FBXL17: variants seen among roughly 807,000 people sequenced by gnomAD.
The protein encoded by FBXL17 is F-box and leucine rich repeat protein 17, also known as F-box/LRR-repeat protein 17.
Under a neutral mutation model 66.2 loss-of-function variants are expected in FBXL17, and 22 were observed. The observed-to-expected ratio is 0.33, with a 90% confidence interval of 0.24 to 0.47. The LOEUF is 0.47. Ranked by LOEUF, FBXL17 falls within the 20% of genes least tolerant of loss-of-function variation. FBXL17 has a pLI of 1.00. For synonymous variants in FBXL17, 474 were observed against 400.5 expected (o/e 1.18, Z -2.19); for missense variants, 878 against 948.2 (o/e 0.93, Z 0.97).
intron 7 of FBXL17, among the ~76,000 whole-genome samples, chr5:107,883,592 C>T (rs186253857): frequency 2.3e-4 from 35 of 152,300 alleles, no homozygotes; most frequent in Admixed American, 3.9e-4. Flanking sequence ...GGTCAAAGGT[C>T]AACTTCTCAG....
chr5:108,337,116 C>T (rs1033792150), intron 4 of FBXL17, among the ~76,000 whole-genome samples: 4 of 151,746 alleles, frequency 2.6e-5, no homozygotes, highest in Non-Finnish European at 5.9e-5. Context: ...ATTAGCTGGG[C>T]GTGGTGGTGC....
intron 2 of FBXL17, 52 bp from the exon 3 acceptor site, chr5:108,365,047 T>C: frequency 7.6e-7 from 1 of 1,316,392 alleles, no homozygotes; most frequent in Admixed American, 2.4e-5. Context: ...TAAAAACGTA[T>C]TTTCCATTTT....
At chr5:107,965,023 T>G (rs535954575) in intron 7 of FBXL17, among the ~76,000 whole-genome samples, 1 of 152,222 alleles carries the variant, frequency 6.6e-6, no homozygotes, top group South Asian at 2.1e-4. Context: ...TTTTACCGCA[T>G]TTGACACCAG....
At chr5:108,262,086 A>ATTTTTTTT (rs1056144916) in intron 4 of FBXL17, among the ~76,000 whole-genome samples, 5 of 142,132 alleles carry the variant, frequency 3.5e-5, no homozygotes, top group Non-Finnish European at 6.0e-5. Context: ...TTATTTATTT[A>ATTTTTTTT]TTTTTTTTGA....
intron 3 of FBXL17, among the ~76,000 whole-genome samples, chr5:108,363,991 A>T (rs1301620986): frequency 6.6e-6 from 1 of 152,060 alleles, no homozygotes; most frequent in African/African-American, 2.4e-5. Context: ...AAAACAAATA[A>T]GACTTTTTGC....
chr5:108,009,294 T>TAGATAGATAGATAG lies in FBXL17; in HGVS notation c.1822+11630_1822+11631insCTATCTATCTATCT, dbSNP rs1451083581. Among the ~76,000 whole-genome samples, 13 of 68,490 alleles carry TAGATAGATAGATAG rather than the reference T, an allele frequency of 1.9e-4. 1 individual carries two copies. The highest frequency in any genetic ancestry group is 8.0e-4 in the African/African-American group (11 of 13,740). 44.9% of individuals were successfully genotyped at this position (68,490 alleles called of 152,430 possible). On this transcript the variant is annotated intron_variant, in intron 7 of 8. Transcript: ENST00000542267. ...ATATATATATATATATATATATATA[T>TAGATAGATAGATAG]ATATATACATATATACATACACATA...
At chr5:107,943,333 C>T (rs970370996) in intron 7 of FBXL17, among the ~76,000 whole-genome samples, 1 of 152,098 alleles carries the variant, frequency 6.6e-6, no homozygotes, top group African/African-American at 2.4e-5. Flanking sequence ...ACCATCTTCC[C>T]CCACAAACAG....
intron 4 of FBXL17, among the ~76,000 whole-genome samples, chr5:108,345,429 T>G (rs777564649): frequency 2.6e-5 from 4 of 151,796 alleles, no homozygotes; most frequent in Non-Finnish European, 4.4e-5. Context: ...TTGTCCTCAC[T>G]TTCCACATGA....
intron 4 of FBXL17, among the ~76,000 whole-genome samples, chr5:108,277,754 C>T (rs1757541450): frequency 6.6e-6 from 1 of 152,094 alleles, no homozygotes; most frequent in African/African-American, 2.4e-5. Flanking sequence ...AGTTCCAGAC[C>T]ACCACAATAA....
intron 7 of FBXL17, among the ~76,000 whole-genome samples, chr5:107,931,115 A>T (rs1750719761): frequency 6.6e-6 from 1 of 152,170 alleles, no homozygotes; most frequent in Non-Finnish European, 1.5e-5. Flanking sequence ...CATTTCTGAG[A>T]TGCTGCCAGT....
intron 5 of FBXL17, among the ~76,000 whole-genome samples, chr5:108,222,508 C>T (rs1754909547): frequency 6.6e-6 from 1 of 152,144 alleles, no homozygotes; most frequent in African/African-American, 2.4e-5. Flanking sequence ...ATCCTCTCCT[C>T]TAGCTTTAGG....
chr5:108,234,646 C>T (rs1171112234), intron 4 of FBXL17, among the ~76,000 whole-genome samples: 2 of 152,076 alleles, frequency 1.3e-5, no homozygotes, highest in East Asian at 3.9e-4. Context: ...GAAGTGTTAC[C>T]ACTTGATTAC....
chr5:108,021,846 T>C (rs288169), intron 6 of FBXL17, among the ~76,000 whole-genome samples: 23,973 of 151,820 alleles, frequency 0.16, 2,287 homozygotes, highest in South Asian at 0.43. Flanking sequence ...TTTTAATCTT[T>C]ATAAATAACA....
intron 7 of FBXL17, among the ~76,000 whole-genome samples, chr5:107,998,509 A>G (rs1753572216): frequency 6.6e-6 from 1 of 152,048 alleles, no homozygotes; most frequent in South Asian, 2.1e-4. Context: ...TTAAGTTTAT[A>G]ATCTACAGAG....
At chr5:107,953,207 C>T (rs184264617) in intron 7 of FBXL17, among the ~76,000 whole-genome samples, 146 of 152,122 alleles carry the variant, frequency 9.6e-4, no homozygotes, top group African/African-American at 3.5e-3. Flanking sequence ...TCGAGACCAT[C>T]CTGGCTAACA....
chr5:108,293,229 T>C (rs1286536652), intron 4 of FBXL17, among the ~76,000 whole-genome samples: 1 of 152,094 alleles, frequency 6.6e-6, no homozygotes, highest in East Asian at 1.9e-4. Context: ...CATCTTACAA[T>C]AAGGATTTCT....
intron 7 of FBXL17, among the ~76,000 whole-genome samples, chr5:107,949,633 A>C (rs555874406): frequency 6.6e-6 from 1 of 152,204 alleles, no homozygotes; most frequent in African/African-American, 2.4e-5. Context: ...TACAGGCTGA[A>C]TGATCACCCT....
chr5:108,194,724 T>C (rs947655616), intron 5 of FBXL17, among the ~76,000 whole-genome samples: 1 of 152,206 alleles, frequency 6.6e-6, no homozygotes, highest in African/African-American at 2.4e-5. Flanking sequence ...TTCATTCACA[T>C]TCATTTAAAT....
In FBXL17 at chr5:108,252,021, G is replaced by A. The variant is rs549321565; in HGVS notation, c.1507-27793C>T. Among the ~76,000 whole-genome samples the A allele has an allele frequency of 7.2e-5, 11 of 152,024 alleles. No homozygotes were observed. The South Asian group carries it at 2.3e-3, about 32-fold the overall frequency. ...TCTTGACATGTCTCTTTGAACACAT[G>A]GACAATAACCATGATAAGATCTGTA... On this transcript the variant is annotated intron_variant, in intron 4 of 8. Coordinates refer to ENST00000542267, the MANE Select transcript of FBXL17 (RefSeq NM_001163315.3).
Sources: allele counts gnomAD v4.1 joint callset (sites outside exome capture counted in the v4.1 genomes callset), GRCh38; gene constraint gnomAD v4.1.1; transcripts MANE v1.5; gene names NCBI Gene and HGNC (gene_info 2026-07-23, HGNC 2026-07-21).